The following FAM124A variants were observed in gnomAD, a reference collection of about 807,000 sequenced individuals.
FAM124A encodes protein FAM124A.
Under a neutral mutation model 24.5 loss-of-function variants are expected in FAM124A, and 23 were observed. The observed-to-expected ratio is 0.94, with a 90% CI of 0.68 to 1.33. FAM124A has a LOEUF of 1.33. FAM124A is among the 40% of genes most tolerant of loss of function. The pLI, the probability that FAM124A is intolerant of heterozygous loss-of-function variation, is 0.00. For synonymous variants in FAM124A, 287 were observed against 314.7 expected (o/e 0.91, Z 0.93); for missense variants, 623 against 722.8 (o/e 0.86, Z 1.58).
At chr13:51,237,091 T>A (rs772378670) in intron 2 of FAM124A, among the ~76,000 whole-genome samples, 12 of 152,268 alleles carry the variant, frequency 7.9e-5, no homozygotes, top group South Asian at 2.1e-4. Flanking sequence ...TGCAGTAAAA[T>A]TGTCATAAAG....
chr13:51,275,827 G>A (rs1055334826), intron 3 of FAM124A, among the ~76,000 whole-genome samples: 21 of 152,302 alleles, frequency 1.4e-4, no homozygotes, highest in African/African-American at 4.3e-4. Flanking sequence ...TACTAAAGCC[G>A]CAAACATGCT....
At chr13:51,275,938 G>A (rs1954882216) in intron 3 of FAM124A, among the ~76,000 whole-genome samples, 1 of 152,204 alleles carries the variant, frequency 6.6e-6, no homozygotes, top group South Asian at 2.1e-4. Flanking sequence ...AGGCTTCACA[G>A]CAGCACCTTG....
Position 51,258,984 on chromosome 13 carries a change from G to A in FAM124A, c.834+6783G>A, listed in dbSNP as rs1207837675. ...GAAGGCACAATGGCCTGGGCAGGACGGGGCCGGGGCAGCCGTCAGGGTTCC... is the reference window on the plus strand; with the variant it reads ...GAAGGCACAATGGCCTGGGCAGGACAGGGCCGGGGCAGCCGTCAGGGTTCC... On this transcript the variant is annotated intron_variant, in intron 3 of 3. Transcript: ENST00000322475. This position sits in a 1 kb window ranked among gnomAD's most constrained non-coding sequence, Gnocchi z 4.2. Among the ~76,000 whole-genome samples the A allele has an allele frequency of 1.3e-5, 2 of 152,188 alleles. No individual in the cohort carries two copies. Among genetic ancestry groups the A allele is most frequent in the Admixed American group, 1.3e-4 (2 of 15,288 alleles).
At chr13:51,257,703 A>G (rs9596484) in intron 3 of FAM124A, among the ~76,000 whole-genome samples, 69,648 of 151,866 alleles carry the variant, frequency 0.46, 17,664 homozygotes, top group East Asian at 0.87. Flanking sequence ...CAGATGCAGC[A>G]AACTCATTTC....
chr13:51,263,107 G>A (rs1202216411), intron 3 of FAM124A, among the ~76,000 whole-genome samples: 6 of 152,288 alleles, frequency 3.9e-5, no homozygotes, highest in South Asian at 4.1e-4. Flanking sequence ...TGTGGTGTTC[G>A]GACCAAGGGT....
chr13:51,264,405 C>A (rs1217575783), intron 3 of FAM124A, among the ~76,000 whole-genome samples: 1 of 152,176 alleles, frequency 6.6e-6, no homozygotes, highest in African/African-American at 2.4e-5. Flanking sequence ...CTGCATCAGT[C>A]CCTCCTCAGT....
chr13:51,233,844 A>G (rs1239183405), intron 2 of FAM124A, among the ~76,000 whole-genome samples: 1 of 152,232 alleles, frequency 6.6e-6, no homozygotes, highest in African/African-American at 2.4e-5. Context: ...CCTACAAACT[A>G]TATAATCATA....
In FAM124A at chr13:51,246,404, TG is replaced by T. The variant is rs55696364; in HGVS notation, c.101-5055del. On this transcript the variant is annotated intron_variant, in intron 2 of 3. Coordinates refer to ENST00000322475, the MANE Select transcript of FAM124A (RefSeq NM_001242312.2). ...CCACAGAGGCATGTTTCTCGTGGGG[TG>T]GGGGGGGGTGTAACTCTAACACCTG... Among the ~76,000 whole-genome samples, 19 of 57,334 alleles carry T rather than the reference TG, an allele frequency of 3.3e-4. 2 individuals are homozygous for T. The highest frequency in any genetic ancestry group is 8.4e-4 in the African/African-American group (13 of 15,500). The allele number at this position is 57,334 out of a possible 152,430, so 37.6% of individuals were successfully genotyped here.
intron 3 of FAM124A, among the ~76,000 whole-genome samples, chr13:51,274,090 T>C (rs1463363537): frequency 1.3e-5 from 2 of 152,224 alleles, no homozygotes; most frequent in African/African-American, 4.8e-5. Context: ...GCTGTCACTT[T>C]GATTTTCTCT....
intron 1 of FAM124A, among the ~76,000 whole-genome samples, chr13:51,226,021 GTC>G (rs1409020093): frequency 9.4e-6 from 1 of 106,454 alleles, no homozygotes; most frequent in Non-Finnish European, 1.7e-5. Flanking sequence ...TAACAGACAG[GTC>G]TCTCTGTCAC....
At position 51,231,322 on chromosome 13, in the gene FAM124A, A is replaced by G. The variant is rs371159478; in HGVS notation, c.69-26A>G. ...ATAAATCATTTGGATAAAGAATTCT[A>G]CTAACGCTGAGGTCTTGTGTTTCAG... On this transcript the variant is annotated intron_variant, in intron 1 of 3. Transcript: ENST00000322475. 3.1e-6 allele frequency: 5 copies of G among 1,613,516 alleles called. No individual in the cohort carries two copies. In the African/African-American group the frequency reaches 5.3e-5, roughly 17 times the overall value.
rs759785410 is a variant in FAM124A, at chr13:51,225,937, G to A, written c.68+3368G>A. ...CTATAGAAGGGGGAAGGAGAAGGAG[G>A]AGAAAAGATGATAATCTGTAATGTT... On this transcript the variant is annotated intron_variant, in intron 1 of 3. Coordinates refer to ENST00000322475, the MANE Select transcript of FAM124A (RefSeq NM_001242312.2). 8.0e-4 allele frequency among the ~76,000 whole-genome samples: 116 copies of A among 144,270 alleles called. 1 individual carries two copies. The highest frequency in any genetic ancestry group is 1.6e-3 in the Non-Finnish European group (103 of 66,386). The allele number at this position is 144,270 out of a possible 152,430, so 94.6% of individuals were successfully genotyped here.
intron 3 of FAM124A, among the ~76,000 whole-genome samples, chr13:51,266,750 A>T (rs1373965703): frequency 1.3e-5 from 2 of 152,176 alleles, no homozygotes; most frequent in Non-Finnish European, 2.9e-5. Flanking sequence ...CTGCCCTCAT[A>T]GTGACACTCA....
At chr13:51,227,952 G>A (rs893522853) in intron 1 of FAM124A, among the ~76,000 whole-genome samples, 3 of 152,178 alleles carry the variant, frequency 2.0e-5, no homozygotes, top group Non-Finnish European at 2.9e-5. Context: ...AATGGGATAG[G>A]TCTTTTAAAA....
intron 1 of FAM124A, chr13:51,227,122 T>C (rs1954322734): frequency 6.6e-6 from 1 of 152,242 alleles, no homozygotes; most frequent in South Asian, 2.1e-4. Flanking sequence ...CTCAAGACCA[T>C]ATGTTTTTCA....
At position 51,251,766 on chromosome 13, in the gene FAM124A, C is replaced by G. The variant is rs897083351; in HGVS notation, c.399C>G (p.Thr133=). 4.4e-6 allele frequency: 7 copies of G among 1,587,516 alleles called. No individual in the cohort carries two copies. The South Asian group carries it at 8.0e-5, about 18-fold the overall frequency. ...LQQPPWRHHH[T]EQVHGRFLPY... is the part of the protein sequence containing the mutation. ...AGCCGCCCTGGCGCCACCACCACAC[C>G]GAGCAGGTGCACGGCCGGTTCCTGC... Residue 133 remains threonine, a synonymous_variant, in exon 3 of 4, where the codon ACC becomes ACG. Coordinates refer to ENST00000322475, the MANE Select transcript of FAM124A (RefSeq NM_001242312.2). This position sits in a 1 kb window ranked among gnomAD's most constrained non-coding sequence, Gnocchi z 5.3.
At chr13:51,270,404 G>A (rs1593609397) in intron 3 of FAM124A, among the ~76,000 whole-genome samples, 2 of 152,100 alleles carry the variant, frequency 1.3e-5, no homozygotes, top group Non-Finnish European at 2.9e-5. Flanking sequence ...TAAATACTAT[G>A]CACTTCAAAG....
intron 3 of FAM124A, among the ~76,000 whole-genome samples, chr13:51,270,799 G>C (rs1029062430): frequency 2.6e-5 from 4 of 152,186 alleles, no homozygotes. Context: ...TCCTGTGGGC[G>C]GTTAGTTGAT....
intron 3 of FAM124A, among the ~76,000 whole-genome samples, chr13:51,267,140 C>A (rs562221994): frequency 6.6e-6 from 1 of 152,154 alleles, no homozygotes; most frequent in Non-Finnish European, 1.5e-5. Flanking sequence ...GTTTACTAAA[C>A]CTCCAAAGCA....
Sources: allele counts gnomAD v4.1 joint callset (sites outside exome capture counted in the v4.1 genomes callset), GRCh38; gene constraint gnomAD v4.1.1; non-coding constraint Gnocchi (gnomAD v3.1); transcripts MANE v1.5; gene names NCBI Gene and HGNC (gene_info 2026-07-23, HGNC 2026-07-21).